The following ANKRD55 variants were observed in gnomAD, a reference collection of about 807,000 sequenced individuals.
The protein encoded by ANKRD55 is ankyrin repeat domain-containing protein 55.
A neutral mutation model predicts 60.6 loss-of-function variants in ANKRD55; 41 were observed. That is an observed-to-expected ratio of 0.68 (90% CI 0.53 to 0.88). ANKRD55 has a LOEUF of 0.88. Ranked by LOEUF, ANKRD55 falls within the 40% of genes least tolerant of loss-of-function variation. ANKRD55 has a pLI of 0.00. For missense variants in ANKRD55, 732 were observed against 767.6 expected (o/e 0.95, Z 0.55); for synonymous variants, 264 against 290.3 (o/e 0.91, Z 0.92).
intron 2 of ANKRD55, among the ~76,000 whole-genome samples, chr5:56,188,217 G>T (rs189455118): frequency 3.3e-5 from 5 of 152,210 alleles, no homozygotes; most frequent in Admixed American, 3.3e-4. Context: ...TGATACGTTT[G>T]ATATGTTGAC....
chr5:56,212,841 A>G (rs1759710417), intron 2 of ANKRD55, among the ~76,000 whole-genome samples: 1 of 152,258 alleles, frequency 6.6e-6, no homozygotes, highest in African/African-American at 2.4e-5. Context: ...GAATAAGTAG[A>G]ATTAATAAGA....
chr5:56,121,023 T>C (rs1195058429), intron 8 of ANKRD55, among the ~76,000 whole-genome samples: 1 of 152,072 alleles, frequency 6.6e-6, no homozygotes, highest in Non-Finnish European at 1.5e-5. Context: ...GGGGAATGTC[T>C]GTGGTTTGTC....
intron 5 of ANKRD55, among the ~76,000 whole-genome samples, chr5:56,162,316 T>G (rs1294208946): frequency 6.6e-6 from 1 of 152,210 alleles, no homozygotes; most frequent in African/African-American, 2.4e-5. Flanking sequence ...AGCCATTCTC[T>G]TCTTTATACT....
At chr5:56,154,778 G>A (rs559330283) in intron 6 of ANKRD55, among the ~76,000 whole-genome samples, 52 of 152,048 alleles carry the variant, frequency 3.4e-4, no homozygotes, top group Non-Finnish European at 5.7e-4. Context: ...TAGTAGAGAC[G>A]GGGTTTGGCC....
intron 9 of ANKRD55, among the ~76,000 whole-genome samples, chr5:56,116,104 C>T (rs1189923405): frequency 3.9e-5 from 6 of 152,182 alleles, no homozygotes; most frequent in African/African-American, 1.4e-4. Context: ...ATCCACCTGC[C>T]TCAGCCTCCC....
intron 2 of ANKRD55, chr5:56,192,855 A>G: frequency 4.4e-6 from 3 of 679,530 alleles, no homozygotes; most frequent in Non-Finnish European, 5.1e-6. Flanking sequence ...CTACAGAAAA[A>G]GGCCAAACAT....
At chr5:56,145,518 C>G (rs1052654709) in intron 6 of ANKRD55, among the ~76,000 whole-genome samples, 1 of 152,226 alleles carries the variant, frequency 6.6e-6, no homozygotes, top group South Asian at 2.1e-4. Flanking sequence ...CCAAACAGCA[C>G]TGGATTATGA....
chr5:56,112,047 C>A lies in ANKRD55; in HGVS notation c.966-265G>T, dbSNP rs1756725724. On this transcript the variant is annotated intron_variant, in intron 9 of 11. Coordinates refer to ENST00000341048, the MANE Select transcript of ANKRD55 (RefSeq NM_024669.3). ...TTTTTCTTGCTCCTTCAGGGGATATCCTTTCAAAATTTACACCTAGATCAT... is the reference window on the plus strand; with the variant it reads ...TTTTTCTTGCTCCTTCAGGGGATATACTTTCAAAATTTACACCTAGATCAT... 2.0e-5 allele frequency among the ~76,000 whole-genome samples: 3 copies of A among 152,098 alleles called. No individual in the cohort carries two copies. The South Asian group carries it at 6.2e-4, about 32-fold the overall frequency.
At chr5:56,149,999 G>A (rs116283502) in intron 6 of ANKRD55, among the ~76,000 whole-genome samples, 2 of 151,958 alleles carry the variant, frequency 1.3e-5, no homozygotes, top group African/African-American at 2.4e-5. Context: ...GAGCCACCAC[G>A]CCCGTTGAAT....
At chr5:56,184,536 C>T (rs1758925130) in intron 2 of ANKRD55, among the ~76,000 whole-genome samples, 1 of 152,210 alleles carries the variant, frequency 6.6e-6, no homozygotes, top group Non-Finnish European at 1.5e-5. Flanking sequence ...CTGTAGGCAA[C>T]TCCTTTGAAT....
chr5:56,160,302 G>A (rs1449909371), intron 5 of ANKRD55, among the ~76,000 whole-genome samples: 1 of 152,166 alleles, frequency 6.6e-6, no homozygotes, highest in Non-Finnish European at 1.5e-5. Context: ...GCAGTGGCAC[G>A]AACTTGGCTC....
At chr5:56,176,572 T>G (rs564190608) in intron 3 of ANKRD55, among the ~76,000 whole-genome samples, 1 of 152,300 alleles carries the variant, frequency 6.6e-6, no homozygotes, top group South Asian at 2.1e-4. Flanking sequence ...ATTTAAGACA[T>G]AACAGGCAGA....
At chr5:56,155,007 G>A (rs1758157057) in intron 6 of ANKRD55, among the ~76,000 whole-genome samples, 1 of 152,238 alleles carries the variant, frequency 6.6e-6, no homozygotes, top group East Asian at 1.9e-4. Flanking sequence ...TGAGGCGGGA[G>A]GATCACTTGA....
chr5:56,175,369 G>A (rs1758715383), intron 4 of ANKRD55, among the ~76,000 whole-genome samples: 1 of 152,230 alleles, frequency 6.6e-6, no homozygotes, highest in South Asian at 2.1e-4. Flanking sequence ...GGTGGTCATA[G>A]TGAAGATTTC....
chr5:56,160,446 A>G (rs1211105762), intron 5 of ANKRD55, among the ~76,000 whole-genome samples: 2 of 152,088 alleles, frequency 1.3e-5, no homozygotes, highest in Admixed American at 1.3e-4. Context: ...TCACCGTGTT[A>G]GCCAGGATGG....
intron 5 of ANKRD55, among the ~76,000 whole-genome samples, chr5:56,160,137 C>T (rs1281440823): frequency 2.0e-5 from 3 of 152,172 alleles, no homozygotes; most frequent in Admixed American, 6.5e-5. Context: ...TCAGCACTCC[C>T]GAGGGGCACA....
chr5:56,168,369 CG>C (rs1758532596), intron 5 of ANKRD55, among the ~76,000 whole-genome samples: 2 of 152,118 alleles, frequency 1.3e-5, no homozygotes, highest in Non-Finnish European at 2.9e-5. Flanking sequence ...TGAAATCTGC[CG>C]CTAACTACAC....
At position 56,170,628 on chromosome 5, in the gene ANKRD55, T is replaced by C. The variant is rs184854004; in HGVS notation, c.422+66A>G. ...TTTTATCAGCCACAGAGGGATGGAT[T>C]AGATGACCTTCTCATACAAGTTGAG... is the stretch of plus-strand genomic sequence containing the variant. On this transcript the variant is annotated intron_variant, in intron 5 of 11. Coordinates refer to ENST00000341048, the MANE Select transcript of ANKRD55 (RefSeq NM_024669.3). 3.2e-5 allele frequency: 42 copies of C among 1,302,504 alleles called. No homozygotes were observed. In the East Asian group the frequency reaches 9.0e-4, roughly 28 times the overall value. 80.7% of individuals were successfully genotyped at this position (1,302,504 alleles called of 1,614,324 possible). A position where few individuals can be genotyped will look rare whatever the true frequency, so the allele number is the denominator to read the frequency against.
intron 2 of ANKRD55, among the ~76,000 whole-genome samples, chr5:56,217,380 G>C (rs1038765938): frequency 6.6e-6 from 1 of 152,186 alleles, no homozygotes; most frequent in African/African-American, 2.4e-5. Flanking sequence ...TTTCATGCCT[G>C]TAACACAGGA....
Sources: allele counts gnomAD v4.1 joint callset (sites outside exome capture counted in the v4.1 genomes callset), GRCh38; gene constraint gnomAD v4.1.1; transcripts MANE v1.5; gene names NCBI Gene and HGNC (gene_info 2026-07-23, HGNC 2026-07-21).